The following PTPRD variants were observed in gnomAD, a reference collection of about 807,000 sequenced individuals.
PTPRD encodes the protein protein tyrosine phosphatase receptor type D.
PTPRD carries 34 observed loss-of-function variants against 214.5 expected under a neutral mutation model. That is an observed-to-expected ratio of 0.16 (90% CI 0.12 to 0.21). The LOEUF is 0.21. PTPRD is among the 10% of genes least tolerant of loss of function. PTPRD has a pLI of 1.00. For synonymous variants in PTPRD, 1,128 were observed against 845.7 expected (o/e 1.33, Z -5.79); for missense variants, 2,545 against 2,398.7 (o/e 1.06, Z -1.27).
At chr9:8,408,494 T>A (rs1393330924) in intron 35 of PTPRD, among the ~76,000 whole-genome samples, 1 of 152,162 alleles carries the variant, frequency 6.6e-6, no homozygotes, top group Non-Finnish European at 1.5e-5. Flanking sequence ...TTCTTCAGTC[T>A]CCGTTGTGGA....
At chr9:8,792,937 C>T (rs2096283214) in intron 11 of PTPRD, among the ~76,000 whole-genome samples, 2 of 152,158 alleles carry the variant, frequency 1.3e-5, no homozygotes, top group African/African-American at 4.8e-5. Flanking sequence ...CTCTCACATC[C>T]ATCATTTAAG....
chr9:10,433,474 C>A (rs917630405), intron 2 of PTPRD, among the ~76,000 whole-genome samples: 1 of 151,854 alleles, frequency 6.6e-6, no homozygotes, highest in Non-Finnish European at 1.5e-5. Flanking sequence ...ATAGGGATAT[C>A]CTCTGCTCTT....
intron 21 of PTPRD, among the ~76,000 whole-genome samples, chr9:8,510,144 C>G (rs1313199443): frequency 2.0e-5 from 3 of 151,694 alleles, no homozygotes; most frequent in African/African-American, 7.3e-5. Context: ...TTAAAAAAAT[C>G]AGCTGGGCAT....
At chr9:9,260,044 T>C (rs17605087) in intron 9 of PTPRD, among the ~76,000 whole-genome samples, 20,118 of 151,924 alleles carry the variant, frequency 0.13, 1,685 homozygotes, top group Middle Eastern at 0.21. Context: ...ATGGAGAGAA[T>C]GCCAGAAAAG....
intron 5 of PTPRD, among the ~76,000 whole-genome samples, chr9:9,884,924 A>G (rs1390085544): frequency 6.6e-6 from 1 of 152,060 alleles, no homozygotes; most frequent in Non-Finnish European, 1.5e-5. Flanking sequence ...TTTCCTTTAT[A>G]AGTTACCCAG....
intron 9 of PTPRD, among the ~76,000 whole-genome samples, chr9:9,251,580 A>C (rs1211570737): frequency 6.6e-6 from 1 of 151,974 alleles, no homozygotes. Flanking sequence ...CAAATATTGC[A>C]TTTGGTATAT....
chr9:10,091,108 A>G (rs1279957994), intron 3 of PTPRD, among the ~76,000 whole-genome samples: 1 of 151,410 alleles, frequency 6.6e-6, no homozygotes, highest in Non-Finnish European at 1.5e-5. Flanking sequence ...AACAGGAAAA[A>G]ATTAATGAGC....
At chr9:9,589,587 C>A (rs1375873793) in intron 7 of PTPRD, among the ~76,000 whole-genome samples, 1 of 151,918 alleles carries the variant, frequency 6.6e-6, no homozygotes, top group East Asian at 1.9e-4. Flanking sequence ...TGTTTAACAG[C>A]ATTAGATAAC....
rs2154289944 is a variant in PTPRD at position 8,936,093 on chromosome 9, T to G, written c.-104+82604A>C. 3 of 152,180 alleles carry G rather than the reference T, an allele frequency of 2.0e-5. No individual in the cohort carries two copies. In the East Asian group the frequency reaches 5.8e-4, roughly 29 times the overall value. 9.4% of individuals were successfully genotyped at this position (152,180 alleles called of 1,614,324 possible). ...TCGGATAACAGAAGACATCTTCAAA[T>G]CAATTGATGGAAGATTGAGAGAAAG... On this transcript the variant is annotated intron_variant, in intron 11 of 45. Transcript: ENST00000381196.
chr9:9,596,196 A>T (rs2093339034), intron 7 of PTPRD, among the ~76,000 whole-genome samples: 2 of 151,984 alleles, frequency 1.3e-5, no homozygotes, highest in Admixed American at 6.6e-5. Flanking sequence ...CCCATGTGTC[A>T]AAATGCCAAA....
intron 9 of PTPRD, among the ~76,000 whole-genome samples, chr9:9,238,456 C>T (rs2099968409): frequency 6.6e-6 from 1 of 152,100 alleles, no homozygotes; most frequent in Admixed American, 6.6e-5. Context: ...CCCTTTGTCT[C>T]TTTTTCTTGT....
chr9:8,423,440 T>C (rs2094481972), intron 35 of PTPRD, among the ~76,000 whole-genome samples: 1 of 152,196 alleles, frequency 6.6e-6, no homozygotes, highest in East Asian at 1.9e-4. Context: ...TTTCAAATCA[T>C]TTAGCAGCTT....
intron 12 of PTPRD, among the ~76,000 whole-genome samples, chr9:8,675,756 C>A (rs779496799): frequency 6.6e-6 from 1 of 152,082 alleles, no homozygotes; most frequent in African/African-American, 2.4e-5. Flanking sequence ...CCACCCCTGC[C>A]GTCCCCACTC....
intron 7 of PTPRD, among the ~76,000 whole-genome samples, chr9:9,726,716 C>A (rs2098099986): frequency 6.6e-6 from 1 of 152,060 alleles, no homozygotes; most frequent in Admixed American, 6.6e-5. Flanking sequence ...TTGTGGATAA[C>A]TTTTCAAGGC....
chr9:10,244,981 T>A (rs1020447193), intron 3 of PTPRD, among the ~76,000 whole-genome samples: 6 of 152,154 alleles, frequency 3.9e-5, no homozygotes, highest in African/African-American at 1.4e-4. Context: ...CATTTCTTAA[T>A]CATTAATAAT....
At chr9:9,812,582 T>C (rs557312836) in intron 5 of PTPRD, among the ~76,000 whole-genome samples, 10 of 152,242 alleles carry the variant, frequency 6.6e-5, no homozygotes, top group East Asian at 5.8e-4. Flanking sequence ...AGTCACTATA[T>C]AATGATAAAG....
chr9:8,335,114 T>C (rs957005495), intron 43 of PTPRD, among the ~76,000 whole-genome samples: 1 of 146,884 alleles, frequency 6.8e-6, no homozygotes, highest in Non-Finnish European at 1.5e-5. Flanking sequence ...TTCCAAACAA[T>C]ACAAAAAGAG....
intron 3 of PTPRD, among the ~76,000 whole-genome samples, chr9:10,193,662 G>C (rs1326390940): frequency 6.6e-6 from 1 of 152,066 alleles, no homozygotes; most frequent in African/African-American, 2.4e-5. Flanking sequence ...ACCTGTTACA[G>C]AATTTCTTTG....
At chr9:9,830,910 C>A (rs1169515194) in intron 5 of PTPRD, among the ~76,000 whole-genome samples, 2 of 151,718 alleles carry the variant, frequency 1.3e-5, no homozygotes, top group African/African-American at 2.4e-5. Flanking sequence ...AATTGTCCAA[C>A]GTAAAATGTA....
Sources: allele counts gnomAD v4.1 joint callset (sites outside exome capture counted in the v4.1 genomes callset), GRCh38; gene constraint gnomAD v4.1.1; transcripts MANE v1.5; gene names NCBI Gene and HGNC (gene_info 2026-07-23, HGNC 2026-07-21).